The following KSR1 variants were observed in gnomAD, a reference collection of about 807,000 sequenced individuals.
KSR1 encodes kinase suppressor of ras.
Under a neutral mutation model 92.9 loss-of-function variants are expected in KSR1, and 35 were observed. The observed-to-expected ratio is 0.38, with a 90% CI of 0.29 to 0.50. The LOEUF (loss-of-function observed/expected upper bound fraction) is 0.50. Ranked by LOEUF, KSR1 falls within the 20% of genes least tolerant of loss-of-function variation. The pLI is 0.94. For synonymous variants in KSR1, 467 were observed against 472.6 expected, an observed-to-expected ratio of 0.99 and a Z score of 0.15; for missense variants, 972 against 1,158.5, an observed-to-expected ratio of 0.84 and a Z score of 2.34.
intron 2 of KSR1, chr17:27,566,506 G>A (rs2072077252): frequency 1.0e-5 from 4 of 398,980 alleles, no homozygotes; most frequent in Non-Finnish European, 1.8e-5. Context: ...AGGGGCACAG[G>A]GCCCCCACCT....
chr17:27,568,246 G>A (rs1472511838), intron 2 of KSR1, among the ~76,000 whole-genome samples: 3 of 152,296 alleles, frequency 2.0e-5, no homozygotes, highest in Admixed American at 2.0e-4. Flanking sequence ...TGGTTCTTCT[G>A]TCTCCAGCTC....
chr17:27,460,933 C>A (rs1367365274), intron 1 of KSR1, among the ~76,000 whole-genome samples: 1 of 152,162 alleles, frequency 6.6e-6, no homozygotes, highest in African/African-American at 2.4e-5. Context: ...TCTTTGGGGT[C>A]TAGGGACAGT....
intron 1 of KSR1, among the ~76,000 whole-genome samples, chr17:27,520,869 G>A (rs536246814): frequency 2.6e-5 from 4 of 152,370 alleles, no homozygotes; most frequent in South Asian, 2.1e-4. Context: ...TGGAGGATGC[G>A]GGAGACGTGT....
At chr17:27,536,204 C>G (rs1286666549) in intron 1 of KSR1, among the ~76,000 whole-genome samples, 2 of 152,102 alleles carry the variant, frequency 1.3e-5, no homozygotes, top group African/African-American at 2.4e-5. Flanking sequence ...GCCGAAGGGC[C>G]CCTCCCCGAG....
intron 1 of KSR1, 42 bp downstream of exon 1, chr17:27,456,916 C>G (rs202166991): frequency 3.9e-6 from 3 of 766,694 alleles, no homozygotes; most frequent in Non-Finnish European, 7.0e-6. Context: ...GGAGCGGGCC[C>G]GGACACCTCC....
chr17:27,561,046 T>A (rs564835438), intron 2 of KSR1, among the ~76,000 whole-genome samples: 1 of 152,246 alleles, frequency 6.6e-6, no homozygotes, highest in South Asian at 2.1e-4. Flanking sequence ...GGAGAGGAGC[T>A]GAAGTTGGAG....
At chr17:27,491,431 C>T (rs1229093512) in intron 1 of KSR1, among the ~76,000 whole-genome samples, 2 of 151,836 alleles carry the variant, frequency 1.3e-5, no homozygotes, top group Non-Finnish European at 2.9e-5. Flanking sequence ...CTCAAGTGAT[C>T]CTTGTGTCTT....
intron 19 of KSR1, among the ~76,000 whole-genome samples, chr17:27,618,051 AGGGGCAAGATGGG>A (rs1321824888): frequency 1.3e-5 from 2 of 152,158 alleles, no homozygotes; most frequent in Non-Finnish European, 2.9e-5. Context: ...CTGCTGAGGG[AGGGGCAAGATGGG>A]GCCAGTTAGA....
In KSR1 at chr17:27,459,215, G is replaced by C. The variant is rs1461815806; in HGVS notation, c.231+2341G>C. 6.6e-6 allele frequency among the ~76,000 whole-genome samples: 1 copy of C among 152,196 alleles called. No homozygotes were observed. Among genetic ancestry groups the C allele is most frequent in the Non-Finnish European group, 1.5e-5 (1 of 68,030 alleles). ...CTGTCTGTAAAATAGGAACGAGACT[G>C]CTCACACCTGCAGCATTTTGTCTGT... is the stretch of plus-strand genomic sequence containing the variant. On this transcript the variant is annotated intron_variant, in intron 1 of 20. Coordinates refer to ENST00000644974, the MANE Select transcript of KSR1 (RefSeq NM_001394583.1). The surrounding 1 kb of genome is among the most constrained non-coding windows in gnomAD (Gnocchi z 4.6).
Position 27,577,134 on chromosome 17 carries a change from G to A in KSR1, c.373-358G>A, listed in dbSNP as rs567360852. Among the ~76,000 whole-genome samples, 8 of 152,132 alleles carry A rather than the reference G, an allele frequency of 5.3e-5. No homozygotes were observed. In the East Asian group the frequency reaches 1.5e-3, roughly 29 times the overall value. On this transcript the variant is annotated intron_variant, in intron 2 of 20. Coordinates refer to ENST00000644974, the MANE Select transcript of KSR1 (RefSeq NM_001394583.1). The surrounding 1 kb of genome is among the most constrained non-coding windows in gnomAD (Gnocchi z 4.5). The stretch of plus-strand genomic sequence containing the variant: ...ATTCAGATACAACAAAATTGTGAAG[G>A]GCCATCTTTGTCTGAAGTACTCGTC...
rs1039511127 is a variant in KSR1, at chr17:27,623,967, G to T, written c.*575G>T. 2 of 225,306 alleles carry T rather than the reference G, an allele frequency of 8.9e-6. No homozygotes were observed. The highest frequency in any genetic ancestry group is 1.7e-5 in the Non-Finnish European group (2 of 117,450). 14.0% of individuals were successfully genotyped at this position (225,306 alleles called of 1,614,324 possible). A position where few individuals can be genotyped will look rare whatever the true frequency, so the allele number is the denominator to read the frequency against. Reference sequence around the variant, plus strand: ...AGAGGAAACCCTGGCTAGGAACTGAGCTAGTTTATGGAGTCTGGAATTCCT... The same window carrying T: ...AGAGGAAACCCTGGCTAGGAACTGATCTAGTTTATGGAGTCTGGAATTCCT... On this transcript the variant is annotated 3_prime_UTR_variant, in exon 21 of 21. Coordinates refer to ENST00000644974, the MANE Select transcript of KSR1 (RefSeq NM_001394583.1).
intron 15 of KSR1, among the ~76,000 whole-genome samples, chr17:27,608,618 CCAAGGCCA>C (rs1303704896): frequency 6.8e-6 from 1 of 148,086 alleles, no homozygotes; most frequent in East Asian, 2.0e-4. Context: ...AGCACTGTGT[CCAAGGCCA>C]CAGAGTGAGT....
chr17:27,603,724 C>A, intron 11 of KSR1, 110 bp from the exon 12 acceptor site: 1 of 1,063,040 alleles, frequency 9.4e-7, no homozygotes, highest in South Asian at 1.3e-5. Context: ...ATGTGGCAGT[C>A]CACTCAGGGG....
At chr17:27,583,988 A>G (rs760529128) in intron 4 of KSR1, 16 of 984,116 alleles carry the variant, frequency 1.6e-5, no homozygotes, top group Non-Finnish European at 1.8e-5. Context: ...CATTTGTTTG[A>G]CTTGTTCATA....
At chr17:27,576,652 G>A (rs1037452783) in intron 2 of KSR1, among the ~76,000 whole-genome samples, 1 of 152,184 alleles carries the variant, frequency 6.6e-6, no homozygotes, top group African/African-American at 2.4e-5. Context: ...GACAATTCAC[G>A]TCTCCGGTGG....
chr17:27,504,451 T>A (rs1331111731), intron 1 of KSR1, among the ~76,000 whole-genome samples: 3 of 151,932 alleles, frequency 2.0e-5, no homozygotes, highest in Non-Finnish European at 4.4e-5. Context: ...AGCAGTGCCA[T>A]GATGGGGTGC....
chr17:27,570,221 C>T (rs751302900), intron 2 of KSR1, among the ~76,000 whole-genome samples: 2 of 152,148 alleles, frequency 1.3e-5, no homozygotes, highest in Admixed American at 6.5e-5. Context: ...GGCAAATAAA[C>T]GCTGCCCTGG....
chr17:27,501,361 G>A (rs1273251512), intron 1 of KSR1, among the ~76,000 whole-genome samples: 4 of 122,992 alleles, frequency 3.3e-5, no homozygotes, highest in Non-Finnish European at 6.3e-5. Flanking sequence ...CTGAATCTCT[G>A]GTTCAAGTGA....
intron 1 of KSR1, among the ~76,000 whole-genome samples, chr17:27,458,813 G>A (rs935410528): frequency 6.6e-6 from 1 of 152,118 alleles, no homozygotes; most frequent in Non-Finnish European, 1.5e-5. Flanking sequence ...GTTCCATGGG[G>A]CTGCCACCAG....
Sources: gnomAD v4.1 joint callset for allele counts (sites outside exome capture counted in the v4.1 genomes callset) on GRCh38, gnomAD v4.1.1 for gene constraint, Gnocchi (gnomAD v3.1) non-coding constraint, MANE v1.5 for transcripts, NCBI Gene and HGNC (gene_info 2026-07-23, HGNC 2026-07-21) for gene names.